THBS1: variants seen among roughly 807,000 people sequenced by gnomAD.
THBS1 encodes the protein thrombospondin 1.
A neutral mutation model predicts 126.1 loss-of-function variants in THBS1; 29 were observed. That is an observed-to-expected ratio of 0.23 (90% CI 0.17 to 0.31). THBS1 has a LOEUF of 0.31. Among genes scored for constraint, THBS1 ranks in the 10% least tolerant of loss-of-function variants. The probability of loss-of-function intolerance (pLI) is 1.00; values close to 1 mark genes in which losing one functional copy is unlikely to be tolerated. For synonymous variants in THBS1, 496 were observed against 577.8 expected (o/e 0.86, Z 2.03); for missense variants, 1,198 against 1,545.2 (o/e 0.78, Z 3.77).
chr15:39,591,723 T>C lies in THBS1; in HGVS notation c.2532+100T>C, dbSNP rs58176920. On this transcript the variant is annotated intron_variant, in intron 16 of 21. Transcript: ENST00000260356. ...GCTTAACAAAGTTCAAACACTTTCATTACTGTGGCTCCCTGGCTTCTCATA... is the reference window on the plus strand; with the variant it reads ...GCTTAACAAAGTTCAAACACTTTCACTACTGTGGCTCCCTGGCTTCTCATA... 2,708 of 1,116,376 alleles carry C rather than the reference T, an allele frequency of 2.4e-3. 20 individuals are homozygous for C. The highest frequency in any genetic ancestry group is 2.9e-3 in the Non-Finnish European group (2,123 of 740,382). 69.2% of individuals were successfully genotyped at this position (1,116,376 alleles called of 1,614,324 possible).
chr15:39,595,298 G>T (rs144977122), intron 21 of THBS1, 64 bp from the exon 22 acceptor site: 2 of 998,994 alleles, frequency 2.0e-6, no homozygotes, highest in Non-Finnish European at 2.8e-6. Context: ...TATTAACTAA[G>T]ATGTCTATGC....
Position 39,595,870 on chromosome 15 carries a change from T to C in THBS1, c.*501T>C, listed in dbSNP as rs766495432. The C allele has an allele frequency of 1.1e-5, 5 of 456,292 alleles. No homozygotes were observed. The highest frequency in any genetic ancestry group is 2.2e-5 in the Non-Finnish European group (5 of 227,208). 28.3% of individuals were successfully genotyped at this position (456,292 alleles called of 1,614,324 possible). A position where few individuals can be genotyped will look rare whatever the true frequency, so the allele number is the denominator to read the frequency against. The stretch of plus-strand genomic sequence containing the variant: ...ACCCGAGACGATTGTATGAAGAAAA[T>C]ATGGAGGAACTGTTACATGTTCGGT... On this transcript the variant is annotated 3_prime_UTR_variant, in exon 22 of 22. Coordinates refer to ENST00000260356, the MANE Select transcript of THBS1 (RefSeq NM_003246.4).
chr15:39,589,866 G>C lies in THBS1; in HGVS notation c.1988G>C (p.Cys663Ser). ...CACGACTGCAACAAGAACGCCAAGT[G>C]CAACTACCTGGGCCACTATAGCGAC... ...GTHDCNKNAK[C>S]NYLGHYSDPM... Residue 663 changes from cysteine (C) to serine (S), a missense_variant, in exon 13 of 22, where the codon TGC becomes TCC. Transcript: ENST00000260356. The surrounding 1 kb of genome is among the most constrained non-coding windows in gnomAD (Gnocchi z 4.7). 3 of 1,614,166 alleles carry C rather than the reference G, an allele frequency of 1.9e-6. No homozygotes were observed. The highest frequency in any genetic ancestry group is 2.5e-6 in the Non-Finnish European group (3 of 1,180,016).
At chr15:39,585,304 T>C (rs1190481069) in intron 6 of THBS1, among the ~76,000 whole-genome samples, 166 bp from the exon 7 acceptor site, 2 of 152,204 alleles carry the variant, frequency 1.3e-5, no homozygotes, top group African/African-American at 4.8e-5. Context: ...GTCTCTACGA[T>C]AGTGGTGGCT....
At position 39,590,156 on chromosome 15, in the gene THBS1, C is replaced by T. The variant is rs61217288; in HGVS notation, c.2145+133C>T. The T allele has an allele frequency of 4.2e-3, 3,679 of 875,134 alleles. 111 individuals are homozygous for T. In the African/African-American group the frequency reaches 0.057, roughly 13 times the overall value. 54.2% of individuals were successfully genotyped at this position (875,134 alleles called of 1,614,324 possible). A position where few individuals can be genotyped will look rare whatever the true frequency, so the allele number is the denominator to read the frequency against. On this transcript the variant is annotated intron_variant, in intron 13 of 21. Coordinates refer to ENST00000260356, the MANE Select transcript of THBS1 (RefSeq NM_003246.4). ...TAAATCTCCCAAAGGGAGAGGGGCA[C>T]TAATTCCTATTAAAATTAAATCACT...
At chr15:39,584,251 A>C in intron 5 of THBS1, 49 bp from the exon 6 acceptor site, 1 of 1,614,234 alleles carries the variant, frequency 6.2e-7, no homozygotes, top group Non-Finnish European at 8.5e-7. Context: ...AGATGGTCCC[A>C]AATGACTGAA....
chr15:39,593,256 G>A lies in THBS1; in HGVS notation c.2995+29G>A, dbSNP rs1055059894. 1.2e-6 allele frequency: 2 copies of A among 1,609,792 alleles called. No homozygotes were observed. The highest frequency in any genetic ancestry group is 1.7e-6 in the Non-Finnish European group (2 of 1,176,140). ...AGTAGCGAGTTCTTAGATCCTAAGAGACTGATGCATACATGGGGAAAAACA... is the reference window on the plus strand; with the variant it reads ...AGTAGCGAGTTCTTAGATCCTAAGAAACTGATGCATACATGGGGAAAAACA... On this transcript the variant is annotated intron_variant, in intron 18 of 21. Coordinates refer to ENST00000260356, the MANE Select transcript of THBS1 (RefSeq NM_003246.4). The surrounding 1 kb of genome is among the most constrained non-coding windows in gnomAD (Gnocchi z 5.9).
In THBS1 at chr15:39,596,417, G is replaced by A. The variant is rs1056765446; in HGVS notation, c.*1048G>A. The stretch of plus-strand genomic sequence containing the variant: ...ATTTTTTACTTATTCTGGAAGATCT[G>A]GCTGAAGGATTATTCATGGAACAGG... On this transcript the variant is annotated 3_prime_UTR_variant, in exon 22 of 22. Transcript: ENST00000260356. 1.2e-4 allele frequency: 19 copies of A among 153,190 alleles called. No homozygotes were observed. Among genetic ancestry groups the A allele is most frequent in the African/African-American group, 4.6e-4 (19 of 41,396 alleles). 9.5% of individuals were successfully genotyped at this position (153,190 alleles called of 1,614,324 possible).
rs531213928 is a variant in THBS1 at position 39,595,145 on chromosome 15, T to C, written c.3506-217T>C. 2.2e-4 allele frequency among the ~76,000 whole-genome samples: 34 copies of C among 152,332 alleles called. 1 individual carries two copies. In the South Asian group the frequency reaches 7.0e-3, roughly 32 times the overall value. The stretch of plus-strand genomic sequence containing the variant: ...TAACATTGAAAGCCTTTGGAAAGCA[T>C]AATATATGTTCTGGAAGGTTCACGC... On this transcript the variant is annotated intron_variant, in intron 21 of 21. Transcript: ENST00000260356.
chr15:39,588,183 G>C lies in THBS1; in HGVS notation c.1436G>C (p.Arg479Pro). ...GGGAAACCCTGTGAAGGCGAAGCGC[G>C]GGAGACCAAAGCCTGCAAGAAAGAC... ...MNGKPCEGEA[R>P]ETKACKKDAC... Residue 479 changes from arginine (R) to proline (P), a missense_variant, in exon 9 of 22, where the codon CGG becomes CCG. Physicochemically the swap from Arg to Pro is moderately radical, Grantham distance 103. Coordinates refer to ENST00000260356, the MANE Select transcript of THBS1 (RefSeq NM_003246.4). 6.2e-7 allele frequency: 1 copy of C among 1,614,088 alleles called. No individual in the cohort carries two copies. The highest frequency in any genetic ancestry group is 8.5e-7 in the Non-Finnish European group (1 of 1,180,032).
In THBS1 at chr15:39,589,666, G is replaced by C; in HGVS notation, c.1927-139G>C. The C allele has an allele frequency of 1.0e-6, 1 of 978,006 alleles. No individual in the cohort carries two copies. Among genetic ancestry groups the C allele is most frequent in the Admixed American group, 3.0e-5 (1 of 33,344 alleles). 60.6% of individuals were successfully genotyped at this position (978,006 alleles called of 1,614,324 possible). A position where few individuals can be genotyped will look rare whatever the true frequency, so the allele number is the denominator to read the frequency against. On this transcript the variant is annotated intron_variant, in intron 12 of 21. Transcript: ENST00000260356. This position sits in a 1 kb window ranked among gnomAD's most constrained non-coding sequence, Gnocchi z 4.7. Reference sequence around the variant, plus strand: ...GTTTGCTTATAGCCTCAGGGAGAATGGGGAGGGACAGAGGTAACCCACACT... The same window carrying C: ...GTTTGCTTATAGCCTCAGGGAGAATCGGGAGGGACAGAGGTAACCCACACT...
Position 39,588,207 on chromosome 15 carries a change from A to G in THBS1, c.1460A>G (p.Asp487Gly). ...EARETKACKK[D>G]ACPINGGWGP... The stretch of plus-strand genomic sequence containing the variant: ...CGGGAGACCAAAGCCTGCAAGAAAG[A>G]CGCCTGCCCCAGTAAGTGTGAGGTC... The change falls in exon 9 of 22, where the codon GAC (aspartate) becomes GGC (glycine). Residue 487 changes from aspartate (D) to glycine (G), a missense_variant. By Grantham distance (94) the Asp-to-Gly change is moderately conservative. Coordinates refer to ENST00000260356, the MANE Select transcript of THBS1 (RefSeq NM_003246.4). 6.2e-7 allele frequency: 1 copy of G among 1,613,620 alleles called. No homozygotes were observed. The highest frequency in any genetic ancestry group is 8.5e-7 in the Non-Finnish European group (1 of 1,179,976).
In THBS1 at chr15:39,593,407, G is replaced by A; in HGVS notation, c.3006G>A (p.Glu1002=). Residue 1002 remains glutamate (E), a synonymous_variant, in exon 19 of 22, where the codon GAG becomes GAA. Transcript: ENST00000260356. This position sits in a 1 kb window ranked among gnomAD's most constrained non-coding sequence, Gnocchi z 5.9. The stretch of plus-strand genomic sequence containing the variant: ...GGGCTCTTCTTCCAGGTTATGATGA[G>A]TTTAATGCTGTGGACTTCAGTGGCA... The part of the protein sequence containing the change: ...CDPGLAVGYD[E]FNAVDFSGTF... 1 of 1,614,200 alleles carries A rather than the reference G, an allele frequency of 6.2e-7. No homozygotes were observed. Among genetic ancestry groups the A allele is most frequent in the South Asian group, 1.1e-5 (1 of 91,080 alleles).
In THBS1 at chr15:39,593,114, A is replaced by G. The variant is rs1378689662; in HGVS notation, c.2882A>G (p.Gln961Arg). The change falls in exon 18 of 22, where the codon CAG (glutamine) becomes CGG (arginine). Residue 961 changes from glutamine (Q) to arginine (R), a missense_variant. Around this residue, in one of 4 missense-constraint regions of THBS1, gnomAD observed 255 missense variants for 373.9 expected, o/e 0.68. Transcript: ENST00000260356. The surrounding 1 kb of genome is among the most constrained non-coding windows in gnomAD (Gnocchi z 5.9). ...AGTGAGACCGATTTCCGCCGATTCC[A>G]GATGATTCCTCTGGACCCCAAAGGG... The part of the protein sequence containing the change: ...DISETDFRRF[Q>R]MIPLDPKGTS... 6.3e-7 allele frequency: 1 copy of G among 1,599,182 alleles called. No individual in the cohort carries two copies. The highest frequency in any genetic ancestry group is 8.5e-7 in the Non-Finnish European group (1 of 1,173,426).
chr15:39,591,938 T>A (rs908711787), intron 16 of THBS1, among the ~76,000 whole-genome samples: 1 of 152,208 alleles, frequency 6.6e-6, no homozygotes, highest in African/African-American at 2.4e-5. Flanking sequence ...GACTGACAAC[T>A]GTACAATAAT....
Position 39,595,769 on chromosome 15 carries a change from A to G in THBS1, c.*400A>G. The stretch of plus-strand genomic sequence containing the variant: ...AGAGAAGGGAGGACTCACTAGAATT[A>G]GCAAACAAAACCACCCTGACATCCT... On this transcript the variant is annotated 3_prime_UTR_variant, in exon 22 of 22. Transcript: ENST00000260356. 1 of 470,702 alleles carries G rather than the reference A, an allele frequency of 2.1e-6. No individual in the cohort carries two copies. The highest frequency in any genetic ancestry group is 4.2e-6 in the Non-Finnish European group (1 of 236,792). The allele number at this position is 470,702 out of a possible 1,614,324, so 29.2% of individuals were successfully genotyped here.
intron 13 of THBS1, 133 bp from the exon 14 acceptor site, chr15:39,590,383 C>T: frequency 1.5e-6 from 1 of 674,136 alleles, no homozygotes; most frequent in Non-Finnish European, 2.5e-6. Context: ...CTTGTCTTCC[C>T]ATAAAAAAAA....
chr15:39,587,356 C>T lies in THBS1; in HGVS notation c.1130C>T (p.Ser377Phe). The T allele has an allele frequency of 2.5e-6, 4 of 1,612,440 alleles. No individual in the cohort carries two copies. The highest frequency in any genetic ancestry group is 3.4e-6 in the Non-Finnish European group (4 of 1,179,018). The change falls in exon 8 of 22, where the codon TCT becomes TTT. Residue 377 changes from serine (S) to phenylalanine (F), a missense_variant. This residue lies in a region of THBS1 where 663 missense variants were observed against 860.1 expected (regional missense o/e 0.77). Transcript: ENST00000260356. ...ECCPRCWPSD[S>F]ADDGWSPWSE... Reference sequence around the variant, plus strand: ...TCTGTTTCCCCTGCAGCCAGCGACTCTGCGGACGATGGCTGGTCTCCATGG... The same window carrying T: ...TCTGTTTCCCCTGCAGCCAGCGACTTTGCGGACGATGGCTGGTCTCCATGG...
intron 1 of THBS1, among the ~76,000 whole-genome samples, chr15:39,581,555 C>G (rs1349351240): frequency 2.0e-5 from 3 of 152,094 alleles, no homozygotes; most frequent in Non-Finnish European, 2.9e-5. Flanking sequence ...AGTTCCTGAT[C>G]TTGCTCACCT....
Sources: gnomAD v4.1 joint callset for allele counts (sites outside exome capture counted in the v4.1 genomes callset) on GRCh38, gnomAD v4.1.1 for gene constraint, gnomAD v4.1.1 regional missense constraint, Gnocchi (gnomAD v3.1) non-coding constraint, MANE v1.5 for transcripts, NCBI Gene and HGNC (gene_info 2026-07-23, HGNC 2026-07-21) for gene names.